KCNJ6: variants seen among roughly 807,000 people sequenced by gnomAD.
KCNJ6 encodes the protein G protein-activated inward rectifier potassium channel 2.
In KCNJ6, 9 loss-of-function variants were observed where a neutral mutation model predicts 34.2. The observed-to-expected ratio is 0.26, with a 90% CI of 0.16 to 0.46. The LOEUF (loss-of-function observed/expected upper bound fraction) is 0.46, where lower values mean the gene tolerates loss of function less well. Among genes scored for constraint, KCNJ6 ranks in the 20% least tolerant of loss-of-function variants. The probability of loss-of-function intolerance (pLI) is 1.00; values close to 1 mark genes in which losing one functional copy is unlikely to be tolerated. For missense variants in KCNJ6, 236 were observed against 531.3 expected, an observed-to-expected ratio of 0.44 and a Z score of 5.46; for synonymous variants, 196 against 207.1, an observed-to-expected ratio of 0.95 and a Z score of 0.46.
At chr21:37,690,887 A>G (rs896939042) in intron 3 of KCNJ6, among the ~76,000 whole-genome samples, 3 of 151,436 alleles carry the variant, frequency 2.0e-5, no homozygotes, top group Non-Finnish European at 2.9e-5. Flanking sequence ...GGATCAAGCA[A>G]TTCTCTTCCT....
In KCNJ6 at chr21:37,728,696, G is replaced by GTATA. The variant is rs113895292; in HGVS notation, c.26-13566_26-13565insTATA. ...TGGGTAGGTATGTGTGTGTGTGTGT[G>GTATA]TGTATATATATATATGTTTGAATTG... On this transcript the variant is annotated intron_variant, in intron 2 of 3. Coordinates refer to ENST00000609713, the MANE Select transcript of KCNJ6 (RefSeq NM_002240.5). 3.7e-3 allele frequency among the ~76,000 whole-genome samples: 532 copies of GTATA among 142,484 alleles called. 5 individuals are homozygous for GTATA. The highest frequency in any genetic ancestry group is 0.011 in the African/African-American group (378 of 35,678). 93.5% of individuals were successfully genotyped at this position (142,484 alleles called of 152,430 possible).
chr21:37,911,985 A>G (rs775308332), intron 1 of KCNJ6, among the ~76,000 whole-genome samples: 68 of 152,332 alleles, frequency 4.5e-4, no homozygotes, highest in Admixed American at 9.2e-4. Flanking sequence ...AGGGAGGAAT[A>G]TGAGACTGAG....
At position 37,624,914 on chromosome 21, in the gene KCNJ6, A is replaced by C; in HGVS notation, c.*245T>G. Reference sequence around the variant, plus strand: ...TGGATGTGTAGTATTTTGGGAGGAGACCAGGCTTGGGCCACAAATGAGGGC... The same window carrying C: ...TGGATGTGTAGTATTTTGGGAGGAGCCCAGGCTTGGGCCACAAATGAGGGC... On this transcript the variant is annotated 3_prime_UTR_variant, in exon 4 of 4. Coordinates refer to ENST00000609713, the MANE Select transcript of KCNJ6 (RefSeq NM_002240.5). The C allele has an allele frequency of 1.9e-6, 1 of 538,366 alleles. No individual in the cohort carries two copies. Among genetic ancestry groups the C allele is most frequent in the Admixed American group, 3.3e-5 (1 of 30,180 alleles). 33.3% of individuals were successfully genotyped at this position (538,366 alleles called of 1,614,324 possible). A position where few individuals can be genotyped will look rare whatever the true frequency, so the allele number is the denominator to read the frequency against.
chr21:37,706,366 C>T (rs750864550), intron 3 of KCNJ6, among the ~76,000 whole-genome samples: 2 of 152,142 alleles, frequency 1.3e-5, no homozygotes, highest in Non-Finnish European at 2.9e-5. Flanking sequence ...ATGATTTACT[C>T]GAAGCTCCTG....
intron 3 of KCNJ6, among the ~76,000 whole-genome samples, chr21:37,704,656 C>CGTT (rs72286639): frequency 0.39 from 58,825 of 149,164 alleles, 11,949 homozygotes; most frequent in Admixed American, 0.46. Context: ...CAGTATGAGT[C>CGTT]GTCGTCATCA....
chr21:37,610,170 T>C lies in KCNJ6; in HGVS notation c.*14989A>G, dbSNP rs866594592. On this transcript the variant is annotated 3_prime_UTR_variant, in exon 4 of 4. Coordinates refer to ENST00000609713, the MANE Select transcript of KCNJ6 (RefSeq NM_002240.5). ...GGGGTCATTTAGTGTAGAGGTACAG[T>C]CTAGAACTGATGGTGGTGTAGGTTG... 2 of 152,090 alleles carry C rather than the reference T, an allele frequency of 1.3e-5. No individual in the cohort carries two copies. Among genetic ancestry groups the C allele is most frequent in the Non-Finnish European group, 2.9e-5 (2 of 68,026 alleles). 9.4% of individuals were successfully genotyped at this position (152,090 alleles called of 1,614,324 possible).
chr21:37,751,904 A>G (rs1442603954), intron 2 of KCNJ6, among the ~76,000 whole-genome samples: 1 of 152,200 alleles, frequency 6.6e-6, no homozygotes, highest in Non-Finnish European at 1.5e-5. Flanking sequence ...TGCATTCTTG[A>G]TAAGTGATTG....
chr21:37,798,295 C>T (rs773363382), intron 2 of KCNJ6, among the ~76,000 whole-genome samples: 2 of 152,190 alleles, frequency 1.3e-5, no homozygotes, highest in African/African-American at 2.4e-5. Flanking sequence ...TCCACATGGG[C>T]TCTGGAGAAG....
At chr21:37,665,807 C>A (rs532224439) in intron 3 of KCNJ6, among the ~76,000 whole-genome samples, 2 of 152,172 alleles carry the variant, frequency 1.3e-5, no homozygotes, top group Non-Finnish European at 2.9e-5. Context: ...ACAATTATCT[C>A]GACAGAGAGT....
At chr21:37,701,395 T>TG (rs1569448045) in intron 3 of KCNJ6, among the ~76,000 whole-genome samples, 111 of 151,508 alleles carry the variant, frequency 7.3e-4, no homozygotes, top group African/African-American at 2.5e-3. Flanking sequence ...GGTTAACTTT[T>TG]TGTGTGTGTG....
chr21:37,742,723 C>T (rs1360157175), intron 2 of KCNJ6, among the ~76,000 whole-genome samples: 9 of 152,210 alleles, frequency 5.9e-5, no homozygotes, highest in Admixed American at 4.6e-4. Flanking sequence ...CCAACATCCA[C>T]TTCATTTCTC....
chr21:37,908,784 C>A (rs1205692163), intron 1 of KCNJ6, among the ~76,000 whole-genome samples: 1 of 152,208 alleles, frequency 6.6e-6, no homozygotes, highest in African/African-American at 2.4e-5. Flanking sequence ...ATTGTCTCTA[C>A]CAGGAATCTT....
intron 3 of KCNJ6, among the ~76,000 whole-genome samples, chr21:37,676,063 TG>T (rs1276128922): frequency 6.6e-6 from 1 of 152,188 alleles, no homozygotes; most frequent in Admixed American, 6.5e-5. Context: ...GGGAGATTCG[TG>T]GGCACCACAG....
intron 1 of KCNJ6, among the ~76,000 whole-genome samples, chr21:37,905,463 T>C (rs1295542252): frequency 6.6e-6 from 1 of 152,182 alleles, no homozygotes; most frequent in Non-Finnish European, 1.5e-5. Context: ...TATATATATG[T>C]AATGGCAAAA....
intron 2 of KCNJ6, among the ~76,000 whole-genome samples, chr21:37,813,851 T>G (rs2055333927): frequency 1.3e-5 from 2 of 152,162 alleles, no homozygotes; most frequent in Non-Finnish European, 2.9e-5. Flanking sequence ...GTGCAAAAAT[T>G]TCTTGAGTAA....
At chr21:37,872,783 G>T (rs1440089932) in intron 1 of KCNJ6, among the ~76,000 whole-genome samples, 1 of 152,130 alleles carries the variant, frequency 6.6e-6, no homozygotes, top group Non-Finnish European at 1.5e-5. Context: ...ATCCTCACAT[G>T]TCATGGGAGG....
intron 2 of KCNJ6, among the ~76,000 whole-genome samples, chr21:37,729,806 T>C (rs566542154): frequency 6.6e-6 from 1 of 152,322 alleles, no homozygotes; most frequent in African/African-American, 2.4e-5. Context: ...CACATGCCCG[T>C]TCATAGGGCT....
intron 2 of KCNJ6, 46 bp from the exon 3 acceptor site, chr21:37,715,177 C>T: frequency 2.6e-6 from 4 of 1,510,842 alleles, no homozygotes; most frequent in Non-Finnish European, 3.6e-6. Context: ...GAAAGGCTGG[C>T]TCTTTGAGGA....
intron 2 of KCNJ6, among the ~76,000 whole-genome samples, chr21:37,801,074 T>G (rs374377381): frequency 6.6e-6 from 1 of 152,176 alleles, no homozygotes; most frequent in African/African-American, 2.4e-5. Flanking sequence ...TGACCGAACA[T>G]ACTCAACCTT....
Sources: allele counts gnomAD v4.1 joint callset (sites outside exome capture counted in the v4.1 genomes callset), GRCh38; gene constraint gnomAD v4.1.1; transcripts MANE v1.5; gene names NCBI Gene and HGNC (gene_info 2026-07-23, HGNC 2026-07-21).